Variants in NBR1 observed in about 807,000 individuals in gnomAD.
NBR1 encodes next to BRCA1 gene 1 protein.
A neutral mutation model predicts 115.5 loss-of-function variants in NBR1; 59 were observed. The observed-to-expected ratio is 0.51, with a 90% CI of 0.41 to 0.63. NBR1 has a LOEUF of 0.63. Among genes scored for constraint, NBR1 ranks in the 30% least tolerant of loss-of-function variants. The pLI is 0.00. For missense variants in NBR1, 1,043 were observed against 1,150.5 expected, an observed-to-expected ratio of 0.91 and a Z score of 1.35; for synonymous variants, 373 against 414.7, an observed-to-expected ratio of 0.90 and a Z score of 1.22.
At position 43,183,422 on chromosome 17, in the gene NBR1, T is replaced by C. The variant is rs899028852; in HGVS notation, c.207+2605T>C. On this transcript the variant is annotated intron_variant, in intron 5 of 20. Coordinates refer to ENST00000590996, the MANE Select transcript of NBR1 (RefSeq NM_005899.5). The stretch of plus-strand genomic sequence containing the variant: ...TTTTAGTAGAGATGGGGTTTCACCA[T>C]GTTGTCCAGGGTGGTCTCAATCTCT... 2.7e-4 allele frequency among the ~76,000 whole-genome samples: 41 copies of C among 150,384 alleles called. 1 individual carries two copies. Among genetic ancestry groups the C allele is most frequent in the African/African-American group, 1.0e-3 (40 of 39,986 alleles).
intron 1 of NBR1, among the ~76,000 whole-genome samples, chr17:43,173,981 A>G (rs879426435): frequency 5.3e-5 from 8 of 152,210 alleles, no homozygotes; most frequent in African/African-American, 9.7e-5. Context: ...ACCATTCATC[A>G]GTAAACAAAA....
chr17:43,202,923 C>T (rs951565176), intron 19 of NBR1, among the ~76,000 whole-genome samples: 2 of 151,998 alleles, frequency 1.3e-5, no homozygotes, highest in Non-Finnish European at 2.9e-5. Flanking sequence ...TTTGGGAGGC[C>T]GAGGCGGGTG....
At chr17:43,182,211 C>CTTTTTTTTTT (rs752789312) in intron 5 of NBR1, among the ~76,000 whole-genome samples, 3 of 71,570 alleles carry the variant, frequency 4.2e-5, no homozygotes, top group African/African-American at 1.0e-4. Flanking sequence ...CTGTTCTCTC[C>CTTTTTTTTTT]TTTTTTTTTT....
chr17:43,204,967 C>A (rs143879842), intron 20 of NBR1, among the ~76,000 whole-genome samples: 3 of 151,954 alleles, frequency 2.0e-5, no homozygotes, highest in Admixed American at 6.6e-5. Flanking sequence ...CTGAGCGAGA[C>A]CCTGTCTCAA....
At chr17:43,202,505 A>T in intron 18 of NBR1, 150 bp from the exon 19 acceptor site, 1 of 570,710 alleles carries the variant, frequency 1.8e-6, no homozygotes, top group Non-Finnish European at 3.1e-6. Flanking sequence ...AACTACCCTT[A>T]AAACTTCCCA....
intron 1 of NBR1, among the ~76,000 whole-genome samples, chr17:43,174,619 AT>A (rs1313923569): frequency 2.6e-5 from 4 of 151,930 alleles, no homozygotes; most frequent in Admixed American, 2.6e-4. Flanking sequence ...ATACAATAAT[AT>A]AAAATAATTA....
intron 1 of NBR1, among the ~76,000 whole-genome samples, chr17:43,173,689 T>C (rs1373078460): frequency 1.3e-5 from 2 of 152,204 alleles, no homozygotes; most frequent in East Asian, 3.8e-4. Flanking sequence ...AAAGCAGACG[T>C]ATTAGACCTA....
chr17:43,197,873 C>T (rs555144567), intron 16 of NBR1, among the ~76,000 whole-genome samples: 2 of 152,124 alleles, frequency 1.3e-5, no homozygotes, highest in East Asian at 1.9e-4. Context: ...CTTTATAGGC[C>T]GGGCACAGTG....
At chr17:43,178,926 T>G (rs547146386) in intron 3 of NBR1, among the ~76,000 whole-genome samples, 1 of 152,216 alleles carries the variant, frequency 6.6e-6, no homozygotes, top group African/African-American at 2.4e-5. Context: ...TGGCAAAATT[T>G]TTTAATTCTT....
chr17:43,176,112 C>A, intron 2 of NBR1: 1 of 437,684 alleles, frequency 2.3e-6, no homozygotes, highest in Non-Finnish European at 4.1e-6. Flanking sequence ...TCCTTTTGAA[C>A]ATTTTAGAAA....
At position 43,199,570 on chromosome 17, in the gene NBR1, T is replaced by C. The variant is rs148795859; in HGVS notation, c.2027-597T>C. On this transcript the variant is annotated intron_variant, in intron 16 of 20. Transcript: ENST00000590996. ...TTTTGTATTTTTAGTAGAGATGGGG[T>C]TTCACCGTGTTAGCCAGGATGGCCT... Among the ~76,000 whole-genome samples the C allele has an allele frequency of 8.2e-3, 1,246 of 151,992 alleles. 14 individuals are homozygous for C. The highest frequency in any genetic ancestry group is 0.041 in the Middle Eastern group (12 of 292).
At chr17:43,209,766 T>C in intron 20 of NBR1, 135 bp from the exon 21 acceptor site, 1 of 1,484,040 alleles carries the variant, frequency 6.7e-7, no homozygotes, top group Non-Finnish European at 8.9e-7. Flanking sequence ...GCCATAGCCT[T>C]GAATCTAATT....
chr17:43,205,000 T>C (rs557833016), intron 20 of NBR1, among the ~76,000 whole-genome samples: 52 of 151,638 alleles, frequency 3.4e-4, no homozygotes, highest in Non-Finnish European at 6.8e-4. Flanking sequence ...AAAAAGACAC[T>C]GAGTCTTGCC....
chr17:43,185,178 T>G (rs1436695797), intron 5 of NBR1, among the ~76,000 whole-genome samples: 1 of 150,534 alleles, frequency 6.6e-6, no homozygotes, highest in Non-Finnish European at 1.5e-5. Context: ...CTTTTATGGG[T>G]TTTTTTGTTT....
At position 43,210,157 on chromosome 17, in the gene NBR1, C is replaced by A; in HGVS notation, c.*83C>A. On this transcript the variant is annotated 3_prime_UTR_variant, in exon 21 of 21. Coordinates refer to ENST00000590996, the MANE Select transcript of NBR1 (RefSeq NM_005899.5). ...TTGGGGTATGGGATAGAAGCCCTTG[C>A]TTATTTTTAATCTGATGAATCTGTA... 7.4e-7 allele frequency: 1 copy of A among 1,353,764 alleles called. No homozygotes were observed. The highest frequency in any genetic ancestry group is 1.0e-6 in the Non-Finnish European group (1 of 996,776). The allele number at this position is 1,353,764 out of a possible 1,614,324, so 83.9% of individuals were successfully genotyped here. A position where few individuals can be genotyped will look rare whatever the true frequency, so the allele number is the denominator to read the frequency against.
chr17:43,186,536 A>T, intron 6 of NBR1, 92 bp downstream of exon 6: 1 of 1,120,882 alleles, frequency 8.9e-7, no homozygotes, highest in Non-Finnish European at 1.2e-6. Context: ...TTTTTTTATT[A>T]TACTTTAAGT....
intron 19 of NBR1, 87 bp downstream of exon 19, chr17:43,202,799 C>A (rs775637524): frequency 9.4e-7 from 1 of 1,060,970 alleles, no homozygotes; most frequent in Non-Finnish European, 1.4e-6. Flanking sequence ...ACAGTATGTA[C>A]CCATCTTCAG....
At chr17:43,173,276 C>T (rs1240701604) in intron 1 of NBR1, among the ~76,000 whole-genome samples, 2 of 152,024 alleles carry the variant, frequency 1.3e-5, no homozygotes, top group Non-Finnish European at 2.9e-5. Context: ...AGCCACCACA[C>T]CCGTCCAGTT....
chr17:43,192,502 G>T (rs1229837816), intron 10 of NBR1, among the ~76,000 whole-genome samples: 1 of 151,720 alleles, frequency 6.6e-6, no homozygotes, highest in Non-Finnish European at 1.5e-5. Flanking sequence ...CCGAGTAACT[G>T]GGACTACAGG....
Sources: gnomAD v4.1 joint callset for allele counts (sites outside exome capture counted in the v4.1 genomes callset) on GRCh38, gnomAD v4.1.1 for gene constraint, MANE v1.5 for transcripts, NCBI Gene and HGNC (gene_info 2026-07-23, HGNC 2026-07-21) for gene names.